Variants in ATRNL1 observed in about 807,000 individuals in gnomAD.
ATRNL1 encodes attractin-like protein 1.
A neutral mutation model predicts 182.7 loss-of-function variants in ATRNL1; 95 were observed. The ratio of observed to expected loss-of-function variants is 0.52; its 90% CI spans 0.44 to 0.62. The LOEUF is 0.62. Ranked by LOEUF, ATRNL1 falls within the 20% of genes least tolerant of loss-of-function variation. The probability of loss-of-function intolerance (pLI) is 0.00; values close to 1 mark genes in which losing one functional copy is unlikely to be tolerated. For synonymous variants in ATRNL1, 576 were observed against 568.3 expected, an observed-to-expected ratio of 1.01 and a Z score of -0.19; for missense variants, 1,471 against 1,679.5, an observed-to-expected ratio of 0.88 and a Z score of 2.17.
intron 8 of ATRNL1, among the ~76,000 whole-genome samples, chr10:115,190,005 A>G (rs1307452229): frequency 6.6e-6 from 1 of 152,128 alleles, no homozygotes; most frequent in Non-Finnish European, 1.5e-5. Flanking sequence ...AATTACCTAC[A>G]GTATTCAGTA....
At chr10:115,152,717 G>T (rs1418071684) in intron 5 of ATRNL1, among the ~76,000 whole-genome samples, 2 of 152,040 alleles carry the variant, frequency 1.3e-5, no homozygotes, top group Non-Finnish European at 2.9e-5. Context: ...TCTTTCTCCT[G>T]CCTGATTGCC....
intron 28 of ATRNL1, among the ~76,000 whole-genome samples, chr10:115,891,326 T>C (rs1952074870): frequency 6.6e-6 from 1 of 152,182 alleles, no homozygotes; most frequent in Admixed American, 6.5e-5. Flanking sequence ...CCAACTGTTA[T>C]CTCTAAACTG....
At chr10:115,492,009 T>A (rs1436493577) in intron 24 of ATRNL1, among the ~76,000 whole-genome samples, 3 of 152,132 alleles carry the variant, frequency 2.0e-5, no homozygotes, top group Admixed American at 2.0e-4. Flanking sequence ...TCCTCTGACC[T>A]CTTGGCTTCC....
At chr10:115,106,263 A>G (rs1182487355) in intron 1 of ATRNL1, among the ~76,000 whole-genome samples, 2 of 152,066 alleles carry the variant, frequency 1.3e-5, no homozygotes, top group African/African-American at 4.8e-5. Context: ...GTTTTGGCCA[A>G]TTTCTCCCAT....
At chr10:115,400,150 A>T (rs536814735) in intron 20 of ATRNL1, among the ~76,000 whole-genome samples, 1 of 152,076 alleles carries the variant, frequency 6.6e-6, no homozygotes. Context: ...GAAGACATAT[A>T]TGTGGCCAAA....
At chr10:115,540,748 A>T (rs1565148864) in intron 25 of ATRNL1, among the ~76,000 whole-genome samples, 1 of 120,352 alleles carries the variant, frequency 8.3e-6, no homozygotes, top group Admixed American at 8.1e-5. Context: ...CAAGAGCAAA[A>T]CTCCGTCTAA....
chr10:115,232,488 A>G (rs748241474), intron 9 of ATRNL1, among the ~76,000 whole-genome samples: 2 of 152,050 alleles, frequency 1.3e-5, no homozygotes, highest in African/African-American at 2.4e-5. Context: ...CCAACATTTT[A>G]TCTCTCAGAT....
intron 7 of ATRNL1, among the ~76,000 whole-genome samples, chr10:115,169,822 TG>T (rs1353179319): frequency 1.3e-5 from 2 of 152,134 alleles, no homozygotes; most frequent in Admixed American, 1.3e-4. Flanking sequence ...ATTTAAACAA[TG>T]TTTTGTAATT....
intron 26 of ATRNL1, among the ~76,000 whole-genome samples, chr10:115,590,241 A>G (rs1327653540): frequency 6.6e-6 from 1 of 152,212 alleles, no homozygotes. Flanking sequence ...TAGCCTAACA[A>G]GATGAGTAGG....
In ATRNL1 at chr10:115,191,777, C is replaced by A. The variant is rs377510809; in HGVS notation, c.1348+20485C>A. 1.6e-4 allele frequency among the ~76,000 whole-genome samples: 24 copies of A among 152,144 alleles called. No individual in the cohort carries two copies. In the East Asian group the frequency reaches 4.3e-3, roughly 27 times the overall value. On this transcript the variant is annotated intron_variant, in intron 8 of 28. Transcript: ENST00000355044. ...TCCCCTTCCGCCATGATTGCAAGTT[C>A]CCTGAGGCCTCCTCAGCCATGCTGA...
intron 21 of ATRNL1, among the ~76,000 whole-genome samples, chr10:115,459,265 G>A (rs1210342526): frequency 5.3e-5 from 8 of 152,098 alleles, no homozygotes; most frequent in Admixed American, 2.0e-4. Context: ...CAGAATAACA[G>A]CAATTGTTCA....
chr10:115,134,177 A>C (rs1281143140), intron 5 of ATRNL1, among the ~76,000 whole-genome samples: 3 of 152,202 alleles, frequency 2.0e-5, no homozygotes, highest in African/African-American at 4.8e-5. Flanking sequence ...AAGACAAGAA[A>C]TAACTAAGAT....
At chr10:115,738,151 T>G (rs1948025392) in intron 27 of ATRNL1, among the ~76,000 whole-genome samples, 1 of 124,508 alleles carries the variant, frequency 8.0e-6, no homozygotes, top group South Asian at 2.7e-4. Flanking sequence ...TTTTTTTTTT[T>G]TTTTTGAGAT....
chr10:115,634,917 A>G (rs1045420844), intron 26 of ATRNL1, among the ~76,000 whole-genome samples: 38 of 152,236 alleles, frequency 2.5e-4, no homozygotes, highest in African/African-American at 8.9e-4. Context: ...CCATGAGAAC[A>G]AAAGGGCCTT....
intron 28 of ATRNL1, among the ~76,000 whole-genome samples, chr10:115,913,501 G>A: frequency 6.6e-6 from 1 of 152,248 alleles, no homozygotes; most frequent in East Asian, 1.9e-4. Flanking sequence ...AATGGGGATA[G>A]CAGCTTCTAC....
At chr10:115,832,261 T>C (rs1173090895) in intron 27 of ATRNL1, among the ~76,000 whole-genome samples, 1 of 152,192 alleles carries the variant, frequency 6.6e-6, no homozygotes, top group Non-Finnish European at 1.5e-5. Flanking sequence ...TTTCCCACCA[T>C]TCACTCGTGC....
chr10:115,783,078 T>C (rs1201036692), intron 27 of ATRNL1, among the ~76,000 whole-genome samples: 3 of 152,350 alleles, frequency 2.0e-5, no homozygotes, highest in East Asian at 3.9e-4. Context: ...TTAATTTTTT[T>C]CTAAAAGCAG....
chr10:115,877,392 G>T (rs2134431252), intron 28 of ATRNL1, among the ~76,000 whole-genome samples: 1 of 152,232 alleles, frequency 6.6e-6, no homozygotes, highest in African/African-American at 2.4e-5. Flanking sequence ...CATCACAGTG[G>T]GAAGCTACAG....
At chr10:115,580,973 A>G (rs1408711121) in intron 26 of ATRNL1, among the ~76,000 whole-genome samples, 1 of 152,186 alleles carries the variant, frequency 6.6e-6, no homozygotes, top group Non-Finnish European at 1.5e-5. Flanking sequence ...GTGAACACCC[A>G]TATGACTGTT....
Sources: allele counts gnomAD v4.1 joint callset (sites outside exome capture counted in the v4.1 genomes callset), GRCh38; gene constraint gnomAD v4.1.1; transcripts MANE v1.5; gene names NCBI Gene and HGNC (gene_info 2026-07-23, HGNC 2026-07-21).